The following XYLB variants were observed in gnomAD, a reference collection of about 807,000 sequenced individuals.
The protein encoded by XYLB is xylulokinase.
In XYLB, 62 loss-of-function variants were observed where a neutral mutation model predicts 78.7. The ratio of observed to expected loss-of-function variants is 0.79; its 90% confidence interval spans 0.64 to 0.97. The LOEUF (loss-of-function observed/expected upper bound fraction) is 0.97. XYLB is among the 50% of genes least tolerant of loss of function. The pLI is 0.00. For missense variants in XYLB, 687 were observed against 676.8 expected (o/e 1.02, Z -0.17); for synonymous variants, 245 against 247.4 (o/e 0.99, Z 0.09).
chr3:38,401,228 T>G (rs886125948), intron 18 of XYLB, among the ~76,000 whole-genome samples: 1 of 152,184 alleles, frequency 6.6e-6, no homozygotes, highest in Non-Finnish European at 1.5e-5. Context: ...TTGCTTCTTA[T>G]GCCTCACGGT....
chr3:38,439,585 AC>A, the XYLB span, among the ~76,000 whole-genome samples: 1 of 152,024 alleles, frequency 6.6e-6, no homozygotes, highest in Non-Finnish European at 1.5e-5. Context: ...ACATGGTGAA[AC>A]CCTGTCTCTA....
chr3:38,350,836 G>A (rs6771490), intron 2 of XYLB, among the ~76,000 whole-genome samples: 4,832 of 151,898 alleles, frequency 0.032, 112 homozygotes, highest in African/African-American at 0.062. Flanking sequence ...TTTGACTCAT[G>A]GGTTATTTAG....
chr3:38,367,337 C>A (rs1404577507), intron 7 of XYLB, among the ~76,000 whole-genome samples: 1 of 152,260 alleles, frequency 6.6e-6, no homozygotes, highest in African/African-American at 2.4e-5. Context: ...AACCCAGGTT[C>A]ATTCCTGGCT....
chr3:38,429,516 C>T, the XYLB span, among the ~76,000 whole-genome samples: 1 of 152,162 alleles, frequency 6.6e-6, no homozygotes. Context: ...AGTCCAAGAT[C>T]AAGGTGTTCA....
At chr3:38,391,522 T>A (rs955142261) in intron 15 of XYLB, among the ~76,000 whole-genome samples, 6 of 152,248 alleles carry the variant, frequency 3.9e-5, no homozygotes, top group Admixed American at 2.6e-4. Context: ...TCCATGTTAA[T>A]GTGCATAGAT....
downstream of XYLB, among the ~76,000 whole-genome samples, chr3:38,422,351 A>T (rs548423571): frequency 4.5e-4 from 68 of 152,366 alleles, no homozygotes; most frequent in African/African-American, 1.6e-3. Context: ...AATGGGGAGA[A>T]GTGAAACTAA....
chr3:38,426,123 G>A (rs898990355), downstream of XYLB, among the ~76,000 whole-genome samples: 3 of 152,112 alleles, frequency 2.0e-5, no homozygotes, highest in South Asian at 2.1e-4. Flanking sequence ...CTACTGCCGC[G>A]GCAGCTGGAG....
the XYLB span, among the ~76,000 whole-genome samples, chr3:38,429,448 T>G: frequency 6.6e-6 from 1 of 152,202 alleles, no homozygotes; most frequent in African/African-American, 2.4e-5. Context: ...AACAAAATAC[T>G]ACAGACTGGG....
intron 15 of XYLB, among the ~76,000 whole-genome samples, chr3:38,383,455 T>TA (rs1466579596): frequency 6.6e-6 from 1 of 152,106 alleles, no homozygotes; most frequent in African/African-American, 2.4e-5. Context: ...AGGTTGATTG[T>TA]AAAAACAGTC....
chr3:38,440,425 ACT>A, the XYLB span, among the ~76,000 whole-genome samples: 1 of 152,152 alleles, frequency 6.6e-6, no homozygotes, highest in South Asian at 2.1e-4. Context: ...AACTTTCCTA[ACT>A]CTGCTTCTAC....
intron 17 of XYLB, among the ~76,000 whole-genome samples, chr3:38,398,487 T>C (rs1437376288): frequency 2.0e-5 from 3 of 151,288 alleles, no homozygotes; most frequent in Non-Finnish European, 4.4e-5. Context: ...AAAAAAATAA[T>C]TAACCTCTTA....
At chr3:38,434,278 A>G in the XYLB span, among the ~76,000 whole-genome samples, 1 of 152,180 alleles carries the variant, frequency 6.6e-6, no homozygotes, top group African/African-American at 2.4e-5. Context: ...TTATAGTCTG[A>G]TTTTCTAAAG....
chr3:38,437,054 C>A, the XYLB span, among the ~76,000 whole-genome samples: 14 of 121,434 alleles, frequency 1.2e-4, no homozygotes, highest in Admixed American at 2.5e-4. Context: ...TAACAAAAAC[C>A]AAAAAAAACC....
chr3:38,392,364 T>C (rs912382464), intron 15 of XYLB, among the ~76,000 whole-genome samples: 5 of 152,180 alleles, frequency 3.3e-5, no homozygotes, highest in Non-Finnish European at 7.3e-5. Context: ...AATGGCGCGA[T>C]CTCGGCTCAC....
intron 12 of XYLB, 123 bp downstream of exon 12, chr3:38,375,382 C>A: frequency 1.2e-6 from 1 of 842,164 alleles, no homozygotes. Flanking sequence ...CTTTCCCGGG[C>A]TCTGCTGGGC....
Position 38,372,683 on chromosome 3 carries a change from G to A in XYLB, c.794G>A (p.Arg265His), listed in dbSNP as rs767473863. 14 of 1,614,006 alleles carry A rather than the reference G, an allele frequency of 8.7e-6. No individual in the cohort carries two copies. In the East Asian group the frequency reaches 2.0e-4, roughly 23 times the overall value. ...GCCATTTCTTCCTACTACGTCCAGC[G>A]CTACGGATTTCCTCCAGGATGCAAA... The part of the protein sequence containing the change: ...VGAISSYYVQ[R>H]YGFPPGCKVV... The change falls in exon 10 of 19, where the codon CGC becomes CAC. Residue 265 changes from arginine (R) to histidine (H), a missense_variant. By Grantham distance (29) the Arg-to-His change is conservative. Coordinates refer to ENST00000207870, the MANE Select transcript of XYLB (RefSeq NM_005108.4).
At chr3:38,423,294 G>T (rs181738959), downstream of XYLB, among the ~76,000 whole-genome samples, 1 of 152,102 alleles carries the variant, frequency 6.6e-6, no homozygotes, top group Non-Finnish European at 1.5e-5. Flanking sequence ...GGATGGTCTC[G>T]ATCTCCTGAC....
chr3:38,369,488 A>C (rs1336474550), intron 8 of XYLB, among the ~76,000 whole-genome samples: 1 of 152,140 alleles, frequency 6.6e-6, no homozygotes, highest in Non-Finnish European at 1.5e-5. Context: ...CACCATCAGC[A>C]TCCCAGCCCA....
At chr3:38,424,995 T>C (rs1440813864), downstream of XYLB, among the ~76,000 whole-genome samples, 1 of 152,232 alleles carries the variant, frequency 6.6e-6, no homozygotes, top group African/African-American at 2.4e-5. Flanking sequence ...CAGCATTACC[T>C]GGAAAGAAGC....
Sources: allele counts gnomAD v4.1 joint callset (sites outside exome capture counted in the v4.1 genomes callset), GRCh38; gene constraint gnomAD v4.1.1; transcripts MANE v1.5; gene names NCBI Gene and HGNC (gene_info 2026-07-23, HGNC 2026-07-21).